CDH18: variants seen among roughly 807,000 people sequenced by gnomAD.
CDH18 encodes the protein cadherin 18.
In CDH18, 31 loss-of-function variants were observed where a neutral mutation model predicts 67.9. That is an observed-to-expected ratio of 0.46 (90% CI 0.34 to 0.62). The LOEUF is 0.62. CDH18 is among the 20% of genes least tolerant of loss of function. CDH18 has a pLI of 0.01. For synonymous variants in CDH18, 362 were observed against 347.2 expected, an observed-to-expected ratio of 1.04 and a Z score of -0.48; for missense variants, 890 against 975.5, an observed-to-expected ratio of 0.91 and a Z score of 1.17.
intron 2 of CDH18, among the ~76,000 whole-genome samples, chr5:20,247,153 C>G (rs7713052): frequency 0.026 from 3,958 of 152,140 alleles, 152 homozygotes; most frequent in African/African-American, 0.089. Context: ...GCAAATGGAC[C>G]AAGAATAAAG....
chr5:20,440,290 T>G (rs1749513831), intron 1 of CDH18, among the ~76,000 whole-genome samples: 1 of 151,814 alleles, frequency 6.6e-6, no homozygotes, highest in African/African-American at 2.4e-5. Context: ...TTATAATCTT[T>G]AATAAAGAGT....
At chr5:19,886,210 CT>C (rs1788173370) in intron 2 of CDH18, 1 of 152,136 alleles carries the variant, frequency 6.6e-6, no homozygotes, top group South Asian at 2.1e-4. Context: ...TGACAATAAT[CT>C]TTCTTGGATC....
chr5:20,095,708 G>A (rs1444517167), intron 2 of CDH18, among the ~76,000 whole-genome samples: 1 of 151,476 alleles, frequency 6.6e-6, no homozygotes, highest in African/African-American at 2.4e-5. Context: ...AGGCAATGTA[G>A]ATATCATAGG....
chr5:20,147,626 TTGTTTC>T (rs1561829803), intron 2 of CDH18, among the ~76,000 whole-genome samples: 1 of 152,154 alleles, frequency 6.6e-6, no homozygotes, highest in African/African-American at 2.4e-5. Context: ...AATTTTGCTT[TTGTTTC>T]TATTTTCATT....
At chr5:20,452,237 T>A (rs1750504943) in intron 1 of CDH18, among the ~76,000 whole-genome samples, 1 of 152,192 alleles carries the variant, frequency 6.6e-6, no homozygotes, top group South Asian at 2.1e-4. Context: ...ATTGATTTCA[T>A]TAACATTCTT....
intron 2 of CDH18, among the ~76,000 whole-genome samples, chr5:19,912,101 G>C (rs1791209965): frequency 6.6e-6 from 1 of 151,862 alleles, no homozygotes; most frequent in Non-Finnish European, 1.5e-5. Context: ...AATAATTAAA[G>C]ACATGTGTGA....
At chr5:19,842,542 G>T (rs1300033583) in intron 2 of CDH18, among the ~76,000 whole-genome samples, 2 of 152,158 alleles carry the variant, frequency 1.3e-5, no homozygotes, top group Non-Finnish European at 2.9e-5. Context: ...GGAACTGTAA[G>T]TCAATTAAAC....
At chr5:19,735,734 T>C (rs1768229133) in intron 4 of CDH18, among the ~76,000 whole-genome samples, 3 of 152,112 alleles carry the variant, frequency 2.0e-5, no homozygotes, top group Admixed American at 2.0e-4. Context: ...ACACCTATAC[T>C]TCGTAAGAAA....
intron 2 of CDH18, among the ~76,000 whole-genome samples, chr5:20,130,718 C>T (rs1486062034): frequency 2.6e-5 from 4 of 151,908 alleles, no homozygotes; most frequent in African/African-American, 9.7e-5. Flanking sequence ...AAATCTGTAG[C>T]GAACAGACTC....
chr5:19,917,626 C>A (rs1296690658), intron 2 of CDH18, among the ~76,000 whole-genome samples: 1 of 152,016 alleles, frequency 6.6e-6, no homozygotes, highest in African/African-American at 2.4e-5. Flanking sequence ...GTATTCATTC[C>A]GTGTATCGCT....
intron 1 of CDH18, among the ~76,000 whole-genome samples, chr5:20,469,000 T>C (rs958079382): frequency 3.3e-5 from 5 of 152,222 alleles, no homozygotes; most frequent in African/African-American, 9.6e-5. Flanking sequence ...GCACTACCTA[T>C]GTCCTCGGCT....
chr5:20,080,236 T>C (rs1744332743), intron 2 of CDH18, among the ~76,000 whole-genome samples: 1 of 152,170 alleles, frequency 6.6e-6, no homozygotes, highest in Non-Finnish European at 1.5e-5. Flanking sequence ...AGTCCACTTA[T>C]TATCCTTTTT....
intron 1 of CDH18, among the ~76,000 whole-genome samples, chr5:19,986,621 C>G (rs954853340): frequency 1.3e-5 from 2 of 152,082 alleles, no homozygotes; most frequent in Non-Finnish European, 1.5e-5. Context: ...TGACCTATAC[C>G]AGGTCAATTT....
At chr5:20,071,611 T>G (rs903056282) in intron 2 of CDH18, among the ~76,000 whole-genome samples, 1 of 152,100 alleles carries the variant, frequency 6.6e-6, no homozygotes, top group Admixed American at 6.6e-5. Context: ...TAACATACTA[T>G]TGTTTATTAA....
chr5:19,763,264 T>C (rs1423209267), intron 3 of CDH18, among the ~76,000 whole-genome samples: 1 of 152,210 alleles, frequency 6.6e-6, no homozygotes, highest in African/African-American at 2.4e-5. Flanking sequence ...AATAATGCTA[T>C]AGCAGTGAAT....
intron 5 of CDH18, among the ~76,000 whole-genome samples, chr5:19,697,652 A>C (rs1207443511): frequency 6.6e-6 from 1 of 152,192 alleles, no homozygotes; most frequent in Non-Finnish European, 1.5e-5. Flanking sequence ...ACTTTCCATA[A>C]AGGAAGAAAA....
chr5:19,593,711 CTTCTTCTTCTTCTTCTTCTTCTT>C (rs1745657033), intron 6 of CDH18, among the ~76,000 whole-genome samples: 1 of 129,406 alleles, frequency 7.7e-6, no homozygotes, highest in African/African-American at 3.2e-5. Flanking sequence ...CCTCCTCCTT[CTTCTTCTTCTTCTTCTTCTTCTT>C]CTTCTTCTTC....
At chr5:20,293,899 T>C (rs1479559546) in intron 1 of CDH18, among the ~76,000 whole-genome samples, 1 of 152,184 alleles carries the variant, frequency 6.6e-6, no homozygotes, top group Non-Finnish European at 1.5e-5. Flanking sequence ...GATAGAAGTG[T>C]ACTGTTGGTT....
chr5:20,403,508 C>A (rs533093821), intron 1 of CDH18, among the ~76,000 whole-genome samples: 3 of 152,152 alleles, frequency 2.0e-5, no homozygotes, highest in Non-Finnish European at 4.4e-5. Flanking sequence ...GACATGAAAA[C>A]AACATTAATC....
Sources: allele counts gnomAD v4.1 joint callset (sites outside exome capture counted in the v4.1 genomes callset), GRCh38; gene constraint gnomAD v4.1.1; transcripts MANE v1.5; gene names NCBI Gene and HGNC (gene_info 2026-07-23, HGNC 2026-07-21).